METAP1: variants seen among roughly 807,000 people sequenced by gnomAD.
METAP1 encodes methionine aminopeptidase 1.
Under a neutral mutation model 53.8 loss-of-function variants are expected in METAP1, and 28 were observed. That is an observed-to-expected ratio of 0.52 (90% CI 0.39 to 0.71). The LOEUF is 0.71. Ranked by LOEUF, METAP1 falls within the 30% of genes least tolerant of loss-of-function variation. The probability of loss-of-function intolerance (pLI) is 0.00; values close to 1 mark genes in which losing one functional copy is unlikely to be tolerated. For missense variants in METAP1, 389 were observed against 479.8 expected, an observed-to-expected ratio of 0.81 and a Z score of 1.77; for synonymous variants, 181 against 165.7, an observed-to-expected ratio of 1.09 and a Z score of -0.71.
intron 1 of METAP1, among the ~76,000 whole-genome samples, chr4:98,997,100 A>G (rs1007035562): frequency 6.6e-6 from 1 of 152,214 alleles, no homozygotes; most frequent in South Asian, 2.1e-4. Context: ...GGATTCTAGT[A>G]CGATTTAACT....
intron 6 of METAP1, 76 bp downstream of exon 6, chr4:99,041,202 T>A (rs1579309283): frequency 9.5e-7 from 1 of 1,052,108 alleles, no homozygotes; most frequent in Non-Finnish European, 1.4e-6. Flanking sequence ...TTAAGTAGAT[T>A]TAAGTTCTGA....
In METAP1 at chr4:99,061,290, A is replaced by G. The variant is rs79876289; in HGVS notation, c.1134A>G (p.Ala378=). ...CEILTRRLDS[A]RPHFMSQF ...TCCTAACCCGGCGACTTGACAGTGCACGGCCTCACTTCATGTCTCAATTTT... is the reference window on the plus strand; with the variant it reads ...TCCTAACCCGGCGACTTGACAGTGCGCGGCCTCACTTCATGTCTCAATTTT... The change falls in exon 11 of 11, where the codon GCA becomes GCG. Residue 378 remains alanine (A), a synonymous_variant. Coordinates refer to ENST00000296411, the MANE Select transcript of METAP1 (RefSeq NM_015143.3). 2,329 of 1,613,796 alleles carry G rather than the reference A, an allele frequency of 1.4e-3. 32 individuals are homozygous for G. In the African/African-American group the frequency reaches 0.026, roughly 18 times the overall value.
At chr4:99,032,195 G>A (rs1359793486) in intron 2 of METAP1, among the ~76,000 whole-genome samples, 1 of 150,740 alleles carries the variant, frequency 6.6e-6, no homozygotes, top group Non-Finnish European at 1.5e-5. Context: ...TATATTATTT[G>A]TTTGCTTTAC....
Position 99,026,410 on chromosome 4 carries a change from A to T in METAP1, c.115-2457A>T, listed in dbSNP as rs919035736. On this transcript the variant is annotated intron_variant, in intron 1 of 10. Transcript: ENST00000296411. ...CTTGTGTGTGGAGTGAAGTGTGGACATTTTTTAGAGAAAGTAGCATTTGAA... is the reference window on the plus strand; with the variant it reads ...CTTGTGTGTGGAGTGAAGTGTGGACTTTTTTTAGAGAAAGTAGCATTTGAA... 4 of 985,270 alleles carry T rather than the reference A, an allele frequency of 4.1e-6. No individual in the cohort carries two copies. The African/African-American group carries it at 7.0e-5, about 17-fold the overall frequency. The allele number at this position is 985,270 out of a possible 1,614,324, so 61.0% of individuals were successfully genotyped here. A position where few individuals can be genotyped will look rare whatever the true frequency, so the allele number is the denominator to read the frequency against.
chr4:99,041,219 A>G (rs1056354111), intron 6 of METAP1, 93 bp downstream of exon 6: 3 of 842,804 alleles, frequency 3.6e-6, no homozygotes, highest in Non-Finnish European at 5.3e-6. Flanking sequence ...CTGAGTGTCT[A>G]AGGTAACTTG....
chr4:99,007,184 T>C (rs970406983), intron 1 of METAP1, among the ~76,000 whole-genome samples: 3 of 152,038 alleles, frequency 2.0e-5, no homozygotes, highest in Admixed American at 6.6e-5. Context: ...GTCTCACTCC[T>C]GGGCTCAAGT....
chr4:99,039,456 T>G lies in METAP1; in HGVS notation c.423T>G (p.Leu141=). The G allele has an allele frequency of 1.3e-6, 2 of 1,598,692 alleles. No individual in the cohort carries two copies. Among genetic ancestry groups the G allele is most frequent in the Non-Finnish European group, 1.7e-6 (2 of 1,166,748 alleles). Residue 141 remains leucine, a synonymous_variant, in exon 5 of 11, where the codon CTT becomes CTG. Transcript: ENST00000296411. ...CTGAAGATATAGAAGGGATGCGACT[T>G]GTATGTAGGGTAAGAGTGATTTTTT... ...LSSEDIEGMR[L]VCRLAREVLD... is the part of the protein sequence containing the mutation.
At chr4:99,050,899 T>C (rs995989404) in intron 9 of METAP1, among the ~76,000 whole-genome samples, 6 of 152,206 alleles carry the variant, frequency 3.9e-5, no homozygotes, top group Non-Finnish European at 8.8e-5. Flanking sequence ...TGGGGACTGC[T>C]GGTTTAGAGC....
chr4:99,038,278 T>G (rs951208155), intron 4 of METAP1, among the ~76,000 whole-genome samples: 1 of 152,050 alleles, frequency 6.6e-6, no homozygotes, highest in Non-Finnish European at 1.5e-5. Context: ...TATTTCTTTC[T>G]CTTGTTTAAT....
chr4:99,052,660 A>G (rs1053465568), intron 9 of METAP1, among the ~76,000 whole-genome samples: 1 of 152,174 alleles, frequency 6.6e-6, no homozygotes, highest in Non-Finnish European at 1.5e-5. Flanking sequence ...CTCCTCCAAC[A>G]CTGGGAATTA....
intron 5 of METAP1, among the ~76,000 whole-genome samples, chr4:99,040,355 A>G (rs1421726625): frequency 1.3e-5 from 2 of 152,160 alleles, no homozygotes; most frequent in Non-Finnish European, 2.9e-5. Flanking sequence ...CATTTAAGTA[A>G]GATTCTTAAG....
At chr4:99,025,352 C>T (rs1374008057) in intron 1 of METAP1, 2 of 982,968 alleles carry the variant, frequency 2.0e-6, no homozygotes, top group Non-Finnish European at 2.4e-6. Flanking sequence ...TATAATTTTG[C>T]AGTAGCGATT....
chr4:98,998,560 A>G (rs1722756610), intron 1 of METAP1, among the ~76,000 whole-genome samples: 1 of 152,098 alleles, frequency 6.6e-6, no homozygotes, highest in Non-Finnish European at 1.5e-5. Context: ...AAAAAACCAA[A>G]AAGAAGAAAT....
At chr4:99,003,087 A>AC (rs59216030) in intron 1 of METAP1, among the ~76,000 whole-genome samples, 1 of 148,770 alleles carries the variant, frequency 6.7e-6, no homozygotes, top group East Asian at 1.9e-4. Flanking sequence ...AAACAAACAA[A>AC]AAACAACAAA....
intron 8 of METAP1, among the ~76,000 whole-genome samples, chr4:99,047,779 G>T (rs1427219599): frequency 6.6e-6 from 1 of 152,138 alleles, no homozygotes; most frequent in Non-Finnish European, 1.5e-5. Flanking sequence ...TAGTGTGAGG[G>T]AGAACCTTAT....
At chr4:99,057,228 A>G (rs1485775382) in intron 9 of METAP1, among the ~76,000 whole-genome samples, 2 of 152,232 alleles carry the variant, frequency 1.3e-5, no homozygotes, top group Admixed American at 1.3e-4. Context: ...GATGAGAAAA[A>G]CACAACAGCT....
At chr4:99,004,446 TACACACAC>T (rs1189663861) in intron 1 of METAP1, among the ~76,000 whole-genome samples, 5,539 of 80,054 alleles carry the variant, frequency 0.069, 209 homozygotes, top group Admixed American at 0.13. Flanking sequence ...TGTGGACAGA[TACACACAC>T]ACACACACAC....
At chr4:99,011,961 AC>A (rs1167645519) in intron 1 of METAP1, among the ~76,000 whole-genome samples, 1 of 152,126 alleles carries the variant, frequency 6.6e-6, no homozygotes, top group African/African-American at 2.4e-5. Context: ...ACAAAACAAA[AC>A]AAAACAAAAT....
intron 2 of METAP1, 32 bp downstream of exon 2, chr4:99,028,950 G>T (rs749206897): frequency 8.4e-6 from 12 of 1,420,664 alleles, no homozygotes; most frequent in Non-Finnish European, 1.1e-5. Flanking sequence ...TACACCATTT[G>T]TCTTAGAAGT....
Sources: allele counts gnomAD v4.1 joint callset (sites outside exome capture counted in the v4.1 genomes callset), GRCh38; gene constraint gnomAD v4.1.1; transcripts MANE v1.5; gene names NCBI Gene and HGNC (gene_info 2026-07-23, HGNC 2026-07-21).